PITRM1: variants seen among roughly 807,000 people sequenced by gnomAD.
PITRM1 encodes pitrilysin metallopeptidase 1.
PITRM1 carries 100 observed loss-of-function variants against 129.9 expected under a neutral mutation model. That is an observed-to-expected ratio of 0.77 (90% CI 0.65 to 0.91). PITRM1 has a LOEUF of 0.91. PITRM1 is among the 40% of genes least tolerant of loss of function. The probability of loss-of-function intolerance (pLI) is 0.00; values close to 1 mark genes in which losing one functional copy is unlikely to be tolerated. For synonymous variants in PITRM1, 591 were observed against 508.8 expected (o/e 1.16, Z -2.17); for missense variants, 1,471 against 1,318.3 (o/e 1.12, Z -1.79).
chr10:3,154,701 T>C (rs1204615263), intron 14 of PITRM1, among the ~76,000 whole-genome samples: 1 of 152,136 alleles, frequency 6.6e-6, no homozygotes, highest in Non-Finnish European at 1.5e-5. Context: ...GAATTGTTCG[T>C]TTTTCGTATA....
At chr10:3,148,812 T>A (rs572424326) in intron 16 of PITRM1, 2 of 153,180 alleles carry the variant, frequency 1.3e-5, no homozygotes, top group Non-Finnish European at 2.9e-5. Flanking sequence ...CCAGCAATAA[T>A]TGAGTCAAGG....
chr10:3,153,194 G>A (rs1841670329), intron 14 of PITRM1, among the ~76,000 whole-genome samples: 1 of 152,308 alleles, frequency 6.6e-6, no homozygotes, highest in African/African-American at 2.4e-5. Context: ...TCTGTAGTGT[G>A]AGCACTGCTC....
At chr10:3,146,287 T>C (rs546716116) in intron 20 of PITRM1, 4 of 153,654 alleles carry the variant, frequency 2.6e-5, no homozygotes, top group African/African-American at 9.6e-5. Context: ...GAACTTATTC[T>C]AGTTAAAGTA....
intron 2 of PITRM1, among the ~76,000 whole-genome samples, chr10:3,168,977 C>A (rs904053396): frequency 1.3e-5 from 2 of 151,224 alleles, no homozygotes; most frequent in South Asian, 4.2e-4. Context: ...ATTAGCCAGG[C>A]GTGGTGGCAC....
intron 13 of PITRM1, 79 bp from the exon 14 acceptor site, chr10:3,155,808 G>C: frequency 1.3e-6 from 2 of 1,521,274 alleles, no homozygotes; most frequent in Non-Finnish European, 9.0e-7. Context: ...AGCTTCTGCT[G>C]GTGTGTTCTT....
chr10:3,169,423 C>T (rs542868899), intron 2 of PITRM1, among the ~76,000 whole-genome samples: 24 of 152,304 alleles, frequency 1.6e-4, no homozygotes, highest in Admixed American at 2.6e-4. Flanking sequence ...CTTGGCCCTC[C>T]GCGTGGCGTC....
intron 24 of PITRM1, 60 bp downstream of exon 24, chr10:3,140,627 C>T (rs1031154328): frequency 6.8e-7 from 1 of 1,462,538 alleles, no homozygotes; most frequent in Admixed American, 2.0e-5. Context: ...CACTGATAAT[C>T]ATGAGTAGAA....
In PITRM1 at chr10:3,138,301, A is replaced by T. The variant is rs1264657490; in HGVS notation, c.2954T>A (p.Met985Lys). 1 of 1,613,708 alleles carries T rather than the reference A, an allele frequency of 6.2e-7. No individual in the cohort carries two copies. The highest frequency in any genetic ancestry group is 8.5e-7 in the Non-Finnish European group (1 of 1,179,772). Reference sequence around the variant, plus strand: ...GAGCTGCTCTCTGTGGGCCTGCTTCATCTCATCCGAGAGGCCGTACAAGAA... The same window carrying T: ...GAGCTGCTCTCTGTGGGCCTGCTTCTTCTCATCCGAGAGGCCGTACAAGAA... ...DHFLYGLSDE[M>K]KQAHREQLFA... is the part of the protein sequence containing the mutation. Residue 985 changes from methionine (M) to lysine (K), a missense_variant, in exon 26 of 27, where the codon ATG becomes AAG. By Grantham distance (95) the Met-to-Lys change is moderately conservative (BLOSUM62 -1). Transcript: ENST00000224949.
At chr10:3,159,146 ATTCT>A (rs1842227952) in intron 9 of PITRM1, 104 bp from the exon 10 acceptor site, 18 of 1,034,248 alleles carry the variant, frequency 1.7e-5, no homozygotes, top group Admixed American at 3.0e-5. Flanking sequence ...CTTTCTAGAA[ATTCT>A]TGCATTTCAA....
intron 23 of PITRM1, chr10:3,141,710 G>C (rs755098288): frequency 2.1e-6 from 1 of 467,912 alleles, no homozygotes; most frequent in Non-Finnish European, 4.4e-6. Context: ...TCAGCCCCAG[G>C]TCGCCGCTTC....
rs910958872 is a variant in PITRM1, at chr10:3,157,503, C to T, written c.1279G>A (p.Ala427Thr). ...EKGFEDDRIE[A>T]LLHKIEIQMK... ...TGTATTTCAATTTTATGAAGTAAAGCCTCAATTCGATCATCTTCAAATCCT... is the reference window on the plus strand; with the variant it reads ...TGTATTTCAATTTTATGAAGTAAAGTCTCAATTCGATCATCTTCAAATCCT... Residue 427 changes from alanine (A) to threonine (T), a missense_variant, in exon 12 of 27, where the codon GCT (alanine) becomes ACT (threonine). By Grantham distance (58) the Ala-to-Thr change is moderately conservative. Transcript: ENST00000224949. 2 of 1,608,672 alleles carry T rather than the reference C, an allele frequency of 1.2e-6. No individual in the cohort carries two copies. The highest frequency in any genetic ancestry group is 1.7e-6 in the Non-Finnish European group (2 of 1,176,670).
At chr10:3,171,105 G>A (rs1178356198) in intron 1 of PITRM1, among the ~76,000 whole-genome samples, 1 of 125,914 alleles carries the variant, frequency 7.9e-6, no homozygotes, top group African/African-American at 3.0e-5. Context: ...ACCCGGAGGT[G>A]TATCGACAGA....
chr10:3,166,364 T>C lies in PITRM1; in HGVS notation c.283A>G (p.Thr95Ala), dbSNP rs1304207141. 1.4e-6 allele frequency: 1 copy of C among 690,160 alleles called. No homozygotes were observed. Among genetic ancestry groups the C allele is most frequent in the Admixed American group, 3.1e-5 (1 of 32,188 alleles). The allele number at this position is 690,160 out of a possible 1,614,324, so 42.8% of individuals were successfully genotyped here. ...NNLFSVQFRT[T>A]PMDSTGVPHI... Reference sequence around the variant, plus strand: ...GGAACACCAGTACTGTCCATGGGAGTAGTACGGAACTGCACGCTAGGGAAG... The same window carrying C: ...GGAACACCAGTACTGTCCATGGGAGCAGTACGGAACTGCACGCTAGGGAAG... Residue 95 changes from threonine to alanine, a missense_variant, in exon 4 of 27, where the codon ACT (threonine) becomes GCT (alanine). Physicochemically the swap from Thr to Ala is moderately conservative, Grantham distance 58. Coordinates refer to ENST00000224949, the MANE Select transcript of PITRM1 (RefSeq NM_014889.4).
intron 4 of PITRM1, among the ~76,000 whole-genome samples, 156 bp downstream of exon 4, chr10:3,166,073 G>C (rs1336065053): frequency 6.6e-6 from 1 of 152,128 alleles, no homozygotes; most frequent in Non-Finnish European, 1.5e-5. Flanking sequence ...TTTCCTGAAG[G>C]ATTAAATTTC....
In PITRM1 at chr10:3,137,987, G is replaced by A. The variant is rs1001118609; in HGVS notation, c.*44C>T. 2.8e-6 allele frequency: 3 copies of A among 1,090,286 alleles called. No individual in the cohort carries two copies. Among genetic ancestry groups the A allele is most frequent in the Non-Finnish European group, 1.4e-6 (1 of 722,966 alleles). 67.5% of individuals were successfully genotyped at this position (1,090,286 alleles called of 1,614,324 possible). ...TCTGACTTTTCATATTCAGCTCGGA[G>A]GTGTATTGTCTCGGGCTCCTGTGCA... On this transcript the variant is annotated 3_prime_UTR_variant, in exon 27 of 27. Transcript: ENST00000224949.
intron 23 of PITRM1, 26 bp downstream of exon 23, chr10:3,143,363 A>G (rs1298388440): frequency 4.3e-6 from 6 of 1,411,286 alleles, no homozygotes; most frequent in Middle Eastern, 1.8e-4. Flanking sequence ...CTCAGGCCTG[A>G]GAGGTCCCGA....
intron 24 of PITRM1, among the ~76,000 whole-genome samples, chr10:3,139,359 G>C (rs772769342): frequency 5.3e-5 from 8 of 152,206 alleles, no homozygotes; most frequent in Non-Finnish European, 1.2e-4. Context: ...GGTAGGGGCA[G>C]GTCAGGATTA....
chr10:3,158,696 C>T (rs896313472), intron 10 of PITRM1, among the ~76,000 whole-genome samples: 33 of 152,204 alleles, frequency 2.2e-4, no homozygotes, highest in Non-Finnish European at 2.9e-5. Flanking sequence ...GCACTGGATC[C>T]AGGATCTCAT....
chr10:3,138,272 C>T lies in PITRM1; in HGVS notation c.2983G>A (p.Ala995Thr), dbSNP rs1228012755. The T allele has an allele frequency of 1.2e-6, 2 of 1,613,892 alleles. No homozygotes were observed. The highest frequency in any genetic ancestry group is 4.5e-5 in the East Asian group (2 of 44,886). Residue 995 changes from alanine (A) to threonine (T), a missense_variant, in exon 26 of 27, where the codon GCT (alanine) becomes ACT (threonine). Ala to Thr is a moderately conservative substitution (Grantham distance 58). Transcript: ENST00000224949. ...MKQAHREQLFAVSHDKLLAVS... is the reference protein window; with the variant it reads ...MKQAHREQLFTVSHDKLLAVS... ...GCCAGGAGCTTGTCGTGGCTGACAGCAAAGAGCTGCTCTCTGTGGGCCTGC... is the reference window on the plus strand; with the variant it reads ...GCCAGGAGCTTGTCGTGGCTGACAGTAAAGAGCTGCTCTCTGTGGGCCTGC...
Sources: gnomAD v4.1 joint callset for allele counts (sites outside exome capture counted in the v4.1 genomes callset) on GRCh38, gnomAD v4.1.1 for gene constraint, MANE v1.5 for transcripts, NCBI Gene and HGNC (gene_info 2026-07-23, HGNC 2026-07-21) for gene names.